Variants in TRAPPC13 observed in about 807,000 individuals in gnomAD.
TRAPPC13 encodes trafficking protein particle complex subunit 13.
In TRAPPC13, 39 loss-of-function variants were observed where a neutral mutation model predicts 54.0. That is an observed-to-expected ratio of 0.72 (90% CI 0.56 to 0.94). The LOEUF (loss-of-function observed/expected upper bound fraction) is 0.94, where lower values mean the gene tolerates loss of function less well. Among genes scored for constraint, TRAPPC13 ranks in the 40% least tolerant of loss-of-function variants. The pLI is 0.00. For synonymous variants in TRAPPC13, 148 were observed against 167.7 expected, an observed-to-expected ratio of 0.88 and a Z score of 0.91; for missense variants, 386 against 488.1, an observed-to-expected ratio of 0.79 and a Z score of 1.97.
intron 1 of TRAPPC13, 66 bp from the exon 2 acceptor site, chr5:65,635,235 A>C (rs1581211002): frequency 7.4e-7 from 1 of 1,347,278 alleles, no homozygotes; most frequent in Non-Finnish European, 1.0e-6. Flanking sequence ...GTCATACACT[A>C]GACTTGAGAA....
At chr5:65,649,740 C>G (rs769655794) in intron 5 of TRAPPC13, among the ~76,000 whole-genome samples, 1 of 152,068 alleles carries the variant, frequency 6.6e-6, no homozygotes, top group Non-Finnish European at 1.5e-5. Context: ...CGTATTGTTA[C>G]AAGTATTTTA....
chr5:65,660,822 T>A lies in TRAPPC13; in HGVS notation c.822T>A (p.Ile274=). The change falls in exon 10 of 13, where the codon ATT becomes ATA. Residue 274 remains isoleucine (I), a synonymous_variant. Transcript: ENST00000399438. The stretch of plus-strand genomic sequence containing the variant: ...GCATCATTAAGGGAGTAACAGTAAT[T>A]GGAAAATTGGATATAGTATGGAAAA... The part of the protein sequence containing the change: ...KAGIIKGVTV[I]GKLDIVWKTN... The A allele has an allele frequency of 6.2e-7, 1 of 1,613,636 alleles. No individual in the cohort carries two copies. The highest frequency in any genetic ancestry group is 8.5e-7 in the Non-Finnish European group (1 of 1,179,730).
At position 65,665,327 on chromosome 5, in the gene TRAPPC13, A is replaced by G. The variant is rs1370694330; in HGVS notation, c.*716A>G. The G allele has an allele frequency of 1.3e-5, 2 of 152,152 alleles. No homozygotes were observed. Among genetic ancestry groups the G allele is most frequent in the Non-Finnish European group, 2.9e-5 (2 of 68,010 alleles). 9.4% of individuals were successfully genotyped at this position (152,152 alleles called of 1,614,324 possible). ...TTTCAGTTAACTCCAGTTTTTTCCT[A>G]GCTATTCGGTCAGCAGAAAAAGTTT... On this transcript the variant is annotated 3_prime_UTR_variant, in exon 13 of 13. Coordinates refer to ENST00000399438, the MANE Select transcript of TRAPPC13 (RefSeq NM_024941.4).
At chr5:65,629,455 A>G in intron 1 of TRAPPC13, 4 of 1,411,344 alleles carry the variant, frequency 2.8e-6, no homozygotes, top group Non-Finnish European at 3.7e-6. Flanking sequence ...TCTTTGCAAT[A>G]CTTCTACTTT....
intron 4 of TRAPPC13, among the ~76,000 whole-genome samples, chr5:65,646,107 C>T (rs1366305480): frequency 1.3e-5 from 2 of 151,932 alleles, no homozygotes; most frequent in Non-Finnish European, 2.9e-5. Context: ...CAAAATCATA[C>T]ATAAGGTAAT....
chr5:65,664,235 A>G lies in TRAPPC13; in HGVS notation c.999-2A>G. 2 of 1,613,208 alleles carry G rather than the reference A, an allele frequency of 1.2e-6. No homozygotes were observed. The highest frequency in any genetic ancestry group is 1.7e-6 in the Non-Finnish European group (2 of 1,179,528). ...TTCCTATTATTCTGATTCCTCCAGC[A>G]GTGAAAGGACTATGGATCTGGTTTT... On this transcript the variant is annotated splice_acceptor_variant, in intron 11 of 12. Transcript: ENST00000399438. LOFTEE classifies it high-confidence loss of function.
intron 1 of TRAPPC13, among the ~76,000 whole-genome samples, chr5:65,633,657 A>T (rs1418339378): frequency 6.6e-6 from 1 of 151,992 alleles, no homozygotes; most frequent in Non-Finnish European, 1.5e-5. Context: ...TTTTAATTTT[A>T]TGTTTTTGTT....
rs1003568680 is a variant in TRAPPC13, at chr5:65,646,989, C to T, written c.301-66C>T. 3.1e-5 allele frequency: 44 copies of T among 1,410,890 alleles called. 2 individuals carry two copies. The South Asian group carries it at 5.6e-4, about 18-fold the overall frequency. The allele number at this position is 1,410,890 out of a possible 1,614,324, so 87.4% of individuals were successfully genotyped here. On this transcript the variant is annotated intron_variant, in intron 4 of 12. Transcript: ENST00000399438. ...ATTCCCCTATTCTTTCCACTCATAGCCATGCACACCCTGTAGGTAACCAGT... is the reference window on the plus strand; with the variant it reads ...ATTCCCCTATTCTTTCCACTCATAGTCATGCACACCCTGTAGGTAACCAGT...
chr5:65,633,715 G>A (rs1275361666), intron 1 of TRAPPC13, among the ~76,000 whole-genome samples: 1 of 151,572 alleles, frequency 6.6e-6, no homozygotes, highest in African/African-American at 2.4e-5. Context: ...AACTGAAAAA[G>A]ATTTTTAAAA....
chr5:65,649,540 C>A (rs555181387), intron 5 of TRAPPC13, among the ~76,000 whole-genome samples: 1 of 152,186 alleles, frequency 6.6e-6, no homozygotes, highest in East Asian at 1.9e-4. Flanking sequence ...AAAAATATTA[C>A]CTCATTATTT....
chr5:65,625,293 G>A, intron 1 of TRAPPC13, 187 bp downstream of exon 1: 1 of 596,556 alleles, frequency 1.7e-6, no homozygotes, highest in African/African-American at 1.9e-5. Flanking sequence ...CCCCTTTCTA[G>A]AACGAAATAG....
chr5:65,654,210 C>T (rs1400811943), intron 7 of TRAPPC13, among the ~76,000 whole-genome samples: 1 of 152,080 alleles, frequency 6.6e-6, no homozygotes, highest in African/African-American at 2.4e-5. Flanking sequence ...AAGTGACATG[C>T]TCTCCATAAA....
rs1756728104 is a variant in TRAPPC13 at position 65,658,429 on chromosome 5, A to C, written c.626A>C (p.Glu209Ala). The C allele has an allele frequency of 6.3e-7, 1 of 1,595,260 alleles. No individual in the cohort carries two copies. The highest frequency in any genetic ancestry group is 2.3e-5 in the East Asian group (1 of 44,386). The change falls in exon 9 of 13, where the codon GAG (glutamate) becomes GCG (alanine). Residue 209 changes from glutamate (E) to alanine (A), a missense_variant. Glu to Ala is a moderately radical substitution (Grantham distance 107, BLOSUM62 -1). Coordinates refer to ENST00000399438, the MANE Select transcript of TRAPPC13 (RefSeq NM_024941.4). ...ATGACAACCTCACCTATGTTTATGG[A>C]GAAGGTTTCACTGGAGCCATCTATT... ...QNMTTSPMFMEKVSLEPSIMY... is the reference protein window; with the variant it reads ...QNMTTSPMFMAKVSLEPSIMY...
chr5:65,659,793 G>A (rs1000613167), intron 9 of TRAPPC13, among the ~76,000 whole-genome samples: 2 of 151,904 alleles, frequency 1.3e-5, no homozygotes, highest in Non-Finnish European at 2.9e-5. Context: ...AGACCAACCT[G>A]GGCAACTTGG....
In TRAPPC13 at chr5:65,643,160, G is replaced by C. The variant is rs188410676; in HGVS notation, c.301-3895G>C. Among the ~76,000 whole-genome samples, 3 of 151,022 alleles carry C rather than the reference G, an allele frequency of 2.0e-5. No individual in the cohort carries two copies. In the East Asian group the frequency reaches 5.8e-4, roughly 29 times the overall value. On this transcript the variant is annotated intron_variant, in intron 4 of 12. Coordinates refer to ENST00000399438, the MANE Select transcript of TRAPPC13 (RefSeq NM_024941.4). ...ATGGAAAAGCTTTTTAGGGGGAAAG[G>C]CTTTTTTTTTTCTATTTTAATTGTT...
At chr5:65,657,309 G>T (rs2150689582) in intron 8 of TRAPPC13, among the ~76,000 whole-genome samples, 1 of 152,234 alleles carries the variant, frequency 6.6e-6, no homozygotes, top group South Asian at 2.1e-4. Flanking sequence ...TTGAACCCGG[G>T]AGGCGGAGGT....
At chr5:65,651,843 T>TTTTTTTTG (rs1756459677) in intron 6 of TRAPPC13, among the ~76,000 whole-genome samples, 1 of 13,096 alleles carries the variant, frequency 7.6e-5, no homozygotes, top group African/African-American at 4.2e-4. Context: ...CGTGATTCAG[T>TTTTTTTTG]TTTTTTTTTT....
chr5:65,646,982 C>T (rs1756235996), intron 4 of TRAPPC13, 73 bp from the exon 5 acceptor site: 1 of 1,371,454 alleles, frequency 7.3e-7, no homozygotes, highest in Non-Finnish European at 9.8e-7. Flanking sequence ...ATTCTTTCCA[C>T]TCATAGCCAT....
intron 9 of TRAPPC13, 79 bp downstream of exon 9, chr5:65,658,580 G>GTT: frequency 2.5e-6 from 3 of 1,224,434 alleles, no homozygotes; most frequent in Non-Finnish European, 3.2e-6. Flanking sequence ...TCTTCAGTGG[G>GTT]TTTTTTTTTA....
Sources: allele counts gnomAD v4.1 joint callset (sites outside exome capture counted in the v4.1 genomes callset), GRCh38; gene constraint gnomAD v4.1.1; transcripts MANE v1.5; gene names NCBI Gene and HGNC (gene_info 2026-07-23, HGNC 2026-07-21).